KCNH8: variants seen among roughly 807,000 people sequenced by gnomAD.
KCNH8 encodes the protein voltage-gated delayed rectifier potassium channel KCNH8.
Under a neutral mutation model 103.6 loss-of-function variants are expected in KCNH8, and 70 were observed. The ratio of observed to expected loss-of-function variants is 0.68; its 90% confidence interval spans 0.56 to 0.82. KCNH8 has a LOEUF of 0.82. Among genes scored for constraint, KCNH8 ranks in the 40% least tolerant of loss-of-function variants. KCNH8 has a pLI of 0.00. For synonymous variants in KCNH8, 498 were observed against 489.4 expected (o/e 1.02, Z -0.23); for missense variants, 1,217 against 1,329.9 (o/e 0.92, Z 1.32).
chr3:19,215,605 G>A (rs1439339673), intron 1 of KCNH8, among the ~76,000 whole-genome samples: 1 of 152,140 alleles, frequency 6.6e-6, no homozygotes, highest in Non-Finnish European at 1.5e-5. Context: ...TTTGACCATT[G>A]CATGCAGATC....
chr3:19,417,662 A>G (rs1160212953), intron 7 of KCNH8, among the ~76,000 whole-genome samples: 1 of 152,140 alleles, frequency 6.6e-6, no homozygotes, highest in Non-Finnish European at 1.5e-5. Flanking sequence ...TATGCTTAAT[A>G]TACAATTATT....
intron 3 of KCNH8, among the ~76,000 whole-genome samples, chr3:19,285,318 C>A (rs1376629679): frequency 2.6e-5 from 4 of 152,104 alleles, no homozygotes; most frequent in Non-Finnish European, 5.9e-5. Flanking sequence ...TGCTTGGAGA[C>A]ATCTTAAGTC....
intron 1 of KCNH8, among the ~76,000 whole-genome samples, chr3:19,218,525 C>A (rs1324981571): frequency 6.6e-6 from 1 of 152,246 alleles, no homozygotes; most frequent in Non-Finnish European, 1.5e-5. Flanking sequence ...CACTCCTTCA[C>A]TCAAAATGCT....
At chr3:19,486,721 G>GC (rs1476972326) in intron 11 of KCNH8, among the ~76,000 whole-genome samples, 1 of 152,036 alleles carries the variant, frequency 6.6e-6, no homozygotes, top group Non-Finnish European at 1.5e-5. Flanking sequence ...GTTACCGGTC[G>GC]CCCCCCTTTG....
At chr3:19,426,992 CATATA>C (rs2067038033) in intron 7 of KCNH8, among the ~76,000 whole-genome samples, 1 of 152,082 alleles carries the variant, frequency 6.6e-6, no homozygotes, top group African/African-American at 2.4e-5. Flanking sequence ...TGTCTCATCT[CATATA>C]ATATCATAAG....
At chr3:19,328,185 C>T (rs1240945839) in intron 3 of KCNH8, among the ~76,000 whole-genome samples, 1 of 152,176 alleles carries the variant, frequency 6.6e-6, no homozygotes, top group African/African-American at 2.4e-5. Context: ...TTACTGTTCT[C>T]TTATGCTGGA....
intron 2 of KCNH8, among the ~76,000 whole-genome samples, chr3:19,254,892 A>G (rs1192818032): frequency 6.6e-6 from 1 of 152,170 alleles, no homozygotes; most frequent in Admixed American, 6.6e-5. Context: ...TCTGGGTAAA[A>G]TAACTGAAAG....
chr3:19,388,702 T>G (rs2066392603), intron 5 of KCNH8, among the ~76,000 whole-genome samples: 1 of 152,136 alleles, frequency 6.6e-6, no homozygotes. Context: ...CAACAATTGT[T>G]TTCTTTTTGG....
chr3:19,250,890 A>G (rs1489681203), intron 1 of KCNH8, among the ~76,000 whole-genome samples: 2 of 152,178 alleles, frequency 1.3e-5, no homozygotes, highest in African/African-American at 4.8e-5. Flanking sequence ...CCATCTGGTA[A>G]AATTGTGTTA....
intron 2 of KCNH8, among the ~76,000 whole-genome samples, chr3:19,267,870 C>T (rs1017158230): frequency 6.6e-6 from 1 of 152,104 alleles, no homozygotes; most frequent in African/African-American, 2.4e-5. Flanking sequence ...CCTCAGTTTT[C>T]TCTTCTGTAA....
Position 19,166,970 on chromosome 3 carries a change from C to A in KCNH8, c.76+18175C>A, listed in dbSNP as rs553479808. The stretch of plus-strand genomic sequence containing the variant: ...CTCAGTTGTGGTGCTGGAATGTCTG[C>A]TGTTAATAACTAGCTGAGGTTATAT... On this transcript the variant is annotated intron_variant, in intron 1 of 15. Coordinates refer to ENST00000328405, the MANE Select transcript of KCNH8 (RefSeq NM_144633.3). Among the ~76,000 whole-genome samples the A allele has an allele frequency of 1.2e-4, 18 of 152,284 alleles. No individual in the cohort carries two copies. In the South Asian group the frequency reaches 3.7e-3, roughly 32 times the overall value.
At chr3:19,280,080 G>A (rs376854691) in intron 2 of KCNH8, among the ~76,000 whole-genome samples, 3 of 151,940 alleles carry the variant, frequency 2.0e-5, no homozygotes, top group African/African-American at 7.3e-5. Context: ...AAATATTCCT[G>A]TCCAGAATGC....
chr3:19,259,300 A>T (rs1015401691), intron 2 of KCNH8, among the ~76,000 whole-genome samples: 1 of 151,790 alleles, frequency 6.6e-6, no homozygotes, highest in South Asian at 2.1e-4. Context: ...ACTAACTTCA[A>T]ATAGAAGGCA....
chr3:19,243,705 G>A (rs1006429373), intron 1 of KCNH8, among the ~76,000 whole-genome samples: 3 of 152,194 alleles, frequency 2.0e-5, no homozygotes, highest in African/African-American at 7.2e-5. Context: ...AGACCTATCA[G>A]TGTAAAGGTA....
At chr3:19,485,585 C>T (rs1306858964) in intron 11 of KCNH8, among the ~76,000 whole-genome samples, 1 of 152,192 alleles carries the variant, frequency 6.6e-6, no homozygotes, top group South Asian at 2.1e-4. Context: ...ACCTTCCTAT[C>T]TGGCAGTCTG....
At chr3:19,177,800 C>T (rs1354872587) in intron 1 of KCNH8, among the ~76,000 whole-genome samples, 1 of 152,028 alleles carries the variant, frequency 6.6e-6, no homozygotes, top group Non-Finnish European at 1.5e-5. Context: ...TTAACCTCTT[C>T]TGTTTATAGA....
chr3:19,347,778 A>G lies in KCNH8; in HGVS notation c.624A>G (p.Lys208=), dbSNP rs543501437. 2.4e-5 allele frequency: 38 copies of G among 1,613,226 alleles called. No individual in the cohort carries two copies. The highest frequency in any genetic ancestry group is 4.0e-5 in the African/African-American group (3 of 74,970). ...CGGAGTATAAAGTTTCTGATGCAAA[A>G]AAGTCCAAATTCATACTTCTGCATT... ...AFPEYKVSDA[K]KSKFILLHFS... Residue 208 remains lysine, a synonymous_variant, in exon 5 of 16, where the codon AAA becomes AAG. Transcript: ENST00000328405.
At chr3:19,221,494 T>C (rs2063873559) in intron 1 of KCNH8, among the ~76,000 whole-genome samples, 1 of 152,252 alleles carries the variant, frequency 6.6e-6, no homozygotes, top group Non-Finnish European at 1.5e-5. Context: ...TGTCAACTTT[T>C]TGTAATTTGT....
At chr3:19,523,677 T>C (rs2069011807) in intron 15 of KCNH8, among the ~76,000 whole-genome samples, 1 of 151,908 alleles carries the variant, frequency 6.6e-6, no homozygotes, top group Non-Finnish European at 1.5e-5. Context: ...ACTAATTCCA[T>C]GGGCACAGTT....
Sources: gnomAD v4.1 joint callset for allele counts (sites outside exome capture counted in the v4.1 genomes callset) on GRCh38, gnomAD v4.1.1 for gene constraint, MANE v1.5 for transcripts, NCBI Gene and HGNC (gene_info 2026-07-23, HGNC 2026-07-21) for gene names.